The following RNF41 variants were observed in gnomAD, a reference collection of about 807,000 sequenced individuals.
RNF41 encodes the protein E3 ubiquitin-protein ligase NRDP1.
A neutral mutation model predicts 33.0 loss-of-function variants in RNF41; 4 were observed. The observed-to-expected ratio is 0.12, with a 90% confidence interval of 0.06 to 0.28. RNF41 has a LOEUF of 0.28. Ranked by LOEUF, RNF41 falls within the 10% of genes least tolerant of loss-of-function variation. RNF41 has a pLI of 1.00. For synonymous variants in RNF41, 164 were observed against 153.2 expected (o/e 1.07, Z -0.52); for missense variants, 228 against 432.6 (o/e 0.53, Z 4.19).
At chr12:56,213,481 G>A (rs1868634064) in intron 3 of RNF41, among the ~76,000 whole-genome samples, 2 of 152,136 alleles carry the variant, frequency 1.3e-5, no homozygotes, top group Admixed American at 6.5e-5. Flanking sequence ...GTGAGCCACT[G>A]TGCCCAGCCT....
intron 1 of RNF41, among the ~76,000 whole-genome samples, chr12:56,220,002 G>A (rs568114606): frequency 6.8e-6 from 1 of 147,432 alleles, no homozygotes. Flanking sequence ...GGGTGACAGA[G>A]TGAGACCCTG....
rs1869095408 is a variant in RNF41, at chr12:56,218,678, T to C, written c.-208-2065A>G. ...CTTATATATTAATATAAGGTATATA[T>C]AATATATACATATTTATTATATATA... On this transcript the variant is annotated intron_variant, in intron 1 of 6. Coordinates refer to ENST00000345093, the MANE Select transcript of RNF41 (RefSeq NM_005785.4). 9.4e-5 allele frequency among the ~76,000 whole-genome samples: 14 copies of C among 148,942 alleles called. No individual in the cohort carries two copies. The Admixed American group carries it at 9.4e-4, about 10-fold the overall frequency.
intron 2 of RNF41, 132 bp from the exon 3 acceptor site, chr12:56,214,202 T>G: frequency 1.6e-6 from 1 of 630,798 alleles, no homozygotes; most frequent in South Asian, 1.8e-5. Context: ...CAGCAGTCAT[T>G]TGGCTCGGTG....
intron 3 of RNF41, among the ~76,000 whole-genome samples, chr12:56,213,521 A>G (rs2135808855): frequency 6.6e-6 from 1 of 152,232 alleles, no homozygotes; most frequent in African/African-American, 2.4e-5. Flanking sequence ...GGCAGGTAGA[A>G]GAGGCCTGCA....
chr12:56,213,891 A>C lies in RNF41; in HGVS notation c.90+67T>G. The C allele has an allele frequency of 2.9e-6, 3 of 1,018,224 alleles. No individual in the cohort carries two copies. The South Asian group carries it at 3.8e-5, about 13-fold the overall frequency. 63.1% of individuals were successfully genotyped at this position (1,018,224 alleles called of 1,614,324 possible). A position where few individuals can be genotyped will look rare whatever the true frequency, so the allele number is the denominator to read the frequency against. ...GACTTCACCATGGGTCCCGCTGCCC[A>C]TGAATATTTTCTACTAGTTCCACTG... On this transcript the variant is annotated intron_variant, in intron 3 of 6. Coordinates refer to ENST00000345093, the MANE Select transcript of RNF41 (RefSeq NM_005785.4).
chr12:56,219,742 C>T (rs1434449845), intron 1 of RNF41, among the ~76,000 whole-genome samples: 7 of 151,706 alleles, frequency 4.6e-5, no homozygotes, highest in Non-Finnish European at 7.4e-5. Context: ...AGGCTGGACG[C>T]AGTGGCTCAC....
chr12:56,203,799 G>A lies in RNF41; in HGVS notation c.*2648C>T, dbSNP rs773655. The A allele has an allele frequency of 0.84, 124,976 of 147,966 alleles. 56,856 individuals carry two copies. Among genetic ancestry groups the A allele is most frequent in the South Asian group, 1 (4,646 of 4,656 alleles). The allele number at this position is 147,966 out of a possible 1,614,324, so 9.2% of individuals were successfully genotyped here. A position where few individuals can be genotyped will look rare whatever the true frequency, so the allele number is the denominator to read the frequency against. Reference sequence around the variant, plus strand: ...CTGCTCACTGCAAGCTCTGCCTCCCGGGTTCACGCCATTCTCCTGCCTCAG... The same window carrying A: ...CTGCTCACTGCAAGCTCTGCCTCCCAGGTTCACGCCATTCTCCTGCCTCAG... On this transcript the variant is annotated 3_prime_UTR_variant, in exon 7 of 7. Coordinates refer to ENST00000345093, the MANE Select transcript of RNF41 (RefSeq NM_005785.4).
intron 3 of RNF41, among the ~76,000 whole-genome samples, chr12:56,211,652 G>A (rs766789718): frequency 6.6e-6 from 1 of 152,016 alleles, no homozygotes; most frequent in Non-Finnish European, 1.5e-5. Flanking sequence ...GAGAGGAGGA[G>A]GACATATTTA....
At chr12:56,211,106 A>G (rs1475816136) in intron 3 of RNF41, among the ~76,000 whole-genome samples, 1 of 152,002 alleles carries the variant, frequency 6.6e-6, no homozygotes, top group East Asian at 1.9e-4. Flanking sequence ...AATAGCTTGA[A>G]CCCAGGAGGT....
intron 2 of RNF41, 72 bp downstream of exon 2, chr12:56,216,357 G>A (rs554187550): frequency 9.2e-5 from 14 of 152,262 alleles, no homozygotes; most frequent in African/African-American, 3.1e-4. Flanking sequence ...GACTTTCAAG[G>A]GCAGAAGGAA....
At chr12:56,220,479 A>G (rs1869298941) in intron 1 of RNF41, among the ~76,000 whole-genome samples, 2 of 150,080 alleles carry the variant, frequency 1.3e-5, no homozygotes, top group Admixed American at 6.7e-5. Context: ...GTCCTCCCAA[A>G]GTGCTAGGAT....
At chr12:56,208,815 C>G (rs1232871593) in intron 4 of RNF41, among the ~76,000 whole-genome samples, 1 of 151,426 alleles carries the variant, frequency 6.6e-6, no homozygotes, top group East Asian at 1.9e-4. Flanking sequence ...ATCTGCCCCC[C>G]TCGGCCTTCC....
At chr12:56,210,962 G>A (rs1027921072) in intron 3 of RNF41, among the ~76,000 whole-genome samples, 2 of 152,152 alleles carry the variant, frequency 1.3e-5, no homozygotes, top group South Asian at 4.1e-4. Flanking sequence ...CGAGGCAGGC[G>A]GATCATGAGG....
chr12:56,207,063 C>A, intron 6 of RNF41: 2 of 1,320,882 alleles, frequency 1.5e-6, no homozygotes, highest in East Asian at 2.9e-5. Flanking sequence ...GCACATATAG[C>A]GCCTAACACA....
chr12:56,209,085 G>C (rs1405193690), intron 4 of RNF41, among the ~76,000 whole-genome samples: 1 of 144,582 alleles, frequency 6.9e-6, no homozygotes, highest in African/African-American at 2.6e-5. Flanking sequence ...CGCTGGTCTT[G>C]AACTCCTGAC....
chr12:56,202,738 G>A lies in RNF41; in HGVS notation c.*3709C>T, dbSNP rs1207250821. On this transcript the variant is annotated 3_prime_UTR_variant, in exon 7 of 7. Transcript: ENST00000345093. The stretch of plus-strand genomic sequence containing the variant: ...TATATTCATCTCCATTAGGGACTAA[G>A]TTCTTTGCAGGTAGGTGCCATTTTG... The A allele has an allele frequency of 6.6e-6, 1 of 152,148 alleles. No individual in the cohort carries two copies. Among genetic ancestry groups the A allele is most frequent in the African/African-American group, 2.4e-5 (1 of 41,416 alleles). The allele number at this position is 152,148 out of a possible 1,614,324, so 9.4% of individuals were successfully genotyped here. A position where few individuals can be genotyped will look rare whatever the true frequency, so the allele number is the denominator to read the frequency against.
rs868368901 is a variant in RNF41, at chr12:56,204,792, C to T, written c.*1655G>A. 1 of 152,826 alleles carries T rather than the reference C, an allele frequency of 6.5e-6. No homozygotes were observed. The highest frequency in any genetic ancestry group is 2.4e-5 in the African/African-American group (1 of 41,576). 9.5% of individuals were successfully genotyped at this position (152,826 alleles called of 1,614,324 possible). ...CCCTACTCCCCTCAAGCTTTCCACC[C>T]CAATCCCAGTGGAGCCATGATCCAA... On this transcript the variant is annotated 3_prime_UTR_variant, in exon 7 of 7. Coordinates refer to ENST00000345093, the MANE Select transcript of RNF41 (RefSeq NM_005785.4).
rs187929336 is a variant in RNF41 at position 56,213,855 on chromosome 12, A to G, written c.90+103T>C. Reference sequence around the variant, plus strand: ...ATCTCTATTGGGTGAGGGTGGAGAGAAGAACACAGTGACTTCACCATGGGT... The same window carrying G: ...ATCTCTATTGGGTGAGGGTGGAGAGGAGAACACAGTGACTTCACCATGGGT... On this transcript the variant is annotated intron_variant, in intron 3 of 6. Transcript: ENST00000345093. The G allele has an allele frequency of 4.4e-4, 351 of 799,380 alleles. 1 individual carries two copies. In the African/African-American group the frequency reaches 4.8e-3, roughly 11 times the overall value. The allele number at this position is 799,380 out of a possible 1,614,324, so 49.5% of individuals were successfully genotyped here. A position where few individuals can be genotyped will look rare whatever the true frequency, so the allele number is the denominator to read the frequency against.
intron 3 of RNF41, chr12:56,213,126 A>G (rs1345071055): frequency 7.8e-7 from 1 of 1,288,972 alleles, no homozygotes; most frequent in African/African-American, 1.5e-5. Flanking sequence ...GCATGGCTGT[A>G]TCAAAAGCTG....
Sources: gnomAD v4.1 joint callset for allele counts (sites outside exome capture counted in the v4.1 genomes callset) on GRCh38, gnomAD v4.1.1 for gene constraint, MANE v1.5 for transcripts, NCBI Gene and HGNC (gene_info 2026-07-23, HGNC 2026-07-21) for gene names.